PGBD2: variants seen among roughly 807,000 people sequenced by gnomAD.
PGBD2 encodes piggyBac transposable element derived 2.
PGBD2 carries 6 observed loss-of-function variants against 8.1 expected under a neutral mutation model. The observed-to-expected ratio is 0.74, with a 90% CI of 0.40 to 1.46. The LOEUF (loss-of-function observed/expected upper bound fraction) is 1.46. PGBD2 is among the 40% of genes most tolerant of loss of function. The probability of loss-of-function intolerance (pLI) is 0.02; values close to 1 mark genes in which losing one functional copy is unlikely to be tolerated. For synonymous variants in PGBD2, 318 were observed against 272.2 expected (o/e 1.17, Z -1.66); for missense variants, 802 against 739.0 (o/e 1.09, Z -0.99).
intron 2 of PGBD2, among the ~76,000 whole-genome samples, 157 bp downstream of exon 2, chr1:248,914,036 G>A (rs1034040055): frequency 6.6e-5 from 10 of 152,170 alleles, no homozygotes; most frequent in Admixed American, 2.6e-4. Flanking sequence ...GAGAAGAATG[G>A]GAAAAATGGG....
rs931446891 is a variant in PGBD2, at chr1:248,917,619, A to G, written c.1035A>G (p.Pro345=). 1 of 1,614,224 alleles carries G rather than the reference A, an allele frequency of 6.2e-7. No individual in the cohort carries two copies. Among genetic ancestry groups the G allele is most frequent in the Non-Finnish European group, 8.5e-7 (1 of 1,180,048 alleles). Residue 345 remains proline (P), a synonymous_variant, in exon 3 of 3, where the codon CCA becomes CCG. Coordinates refer to ENST00000329291, the MANE Select transcript of PGBD2 (RefSeq NM_170725.3). ...CGCTTCAGGAGCGTGGTTTTCTGCC[A>G]TATCACATATTTTTTGACAAGGTTT... The part of the protein sequence containing the change: ...VDALQERGFL[P]YHIFFDKVFT...
At chr1:248,888,093 T>G in the PGBD2 span, among the ~76,000 whole-genome samples, 1 of 152,228 alleles carries the variant, frequency 6.6e-6, no homozygotes, top group African/African-American at 2.4e-5. Context: ...CATAATTCTA[T>G]TCTTTTTTTA....
At position 248,916,556 on chromosome 1, in the gene PGBD2, G is replaced by C. The variant is rs1000506013; in HGVS notation, c.18-46G>C. 3.2e-6 allele frequency: 5 copies of C among 1,552,396 alleles called. No homozygotes were observed. The African/African-American group carries it at 6.8e-5, about 21-fold the overall frequency. On this transcript the variant is annotated intron_variant, in intron 2 of 2. Transcript: ENST00000329291. ...CCTCCTCTTTTCTGCTGAAGCATTG[G>C]CTTTCTGGCATGGCCTCTTCCTGAT...
the PGBD2 span, among the ~76,000 whole-genome samples, chr1:248,930,170 C>T: frequency 1.3e-4 from 20 of 152,242 alleles, no homozygotes; most frequent in African/African-American, 4.6e-4. Context: ...CGCTGCTCAG[C>T]ATCATAGCGT....
At chr1:248,887,123 AT>A in the PGBD2 span, among the ~76,000 whole-genome samples, 1 of 152,234 alleles carries the variant, frequency 6.6e-6, no homozygotes, top group Admixed American at 6.5e-5. Context: ...TTATAAAAAA[AT>A]ATAGCCTTCA....
rs376776381 is a variant in PGBD2, at chr1:248,908,597, T to C, written c.-48+2255T>C. Among the ~76,000 whole-genome samples the C allele has an allele frequency of 9.2e-5, 14 of 152,308 alleles. No homozygotes were observed. The East Asian group carries it at 1.5e-3, about 17-fold the overall frequency. ...CTTTTTGTCCATCTCCCTGCATCTA[T>C]GTTGGGGCCTGCATACTCAGTTGTC... On this transcript the variant is annotated intron_variant, in intron 1 of 2. Transcript: ENST00000329291.
chr1:248,879,188 C>T, the PGBD2 span, among the ~76,000 whole-genome samples: 2 of 152,124 alleles, frequency 1.3e-5, no homozygotes, highest in Non-Finnish European at 2.9e-5. Context: ...ATTCATCTTG[C>T]TGTTTTATTA....
At chr1:248,901,977 C>T (rs888512600), upstream of PGBD2, among the ~76,000 whole-genome samples, 2 of 152,152 alleles carry the variant, frequency 1.3e-5, no homozygotes, top group African/African-American at 4.8e-5. Context: ...CAAATCAAAA[C>T]TATAATGAAG....
the PGBD2 span, among the ~76,000 whole-genome samples, chr1:248,892,960 G>C: frequency 6.6e-6 from 1 of 152,218 alleles, no homozygotes; most frequent in Non-Finnish European, 1.5e-5. Flanking sequence ...TTGTTGCTTG[G>C]AAAACTAAGC....
At position 248,917,107 on chromosome 1, in the gene PGBD2, A is replaced by C. The variant is rs1662130260; in HGVS notation, c.523A>C (p.Thr175Pro). 6.2e-7 allele frequency: 1 copy of C among 1,613,950 alleles called. No homozygotes were observed. The highest frequency in any genetic ancestry group is 8.5e-7 in the Non-Finnish European group (1 of 1,180,018). The change falls in exon 3 of 3, where the codon ACG (threonine) becomes CCG (proline). Residue 175 changes from threonine (T) to proline (P), a missense_variant. Physicochemically the swap from Thr to Pro is conservative, Grantham distance 38. Transcript: ENST00000329291. ...GCAGAAAAATGTCAATTTGAGTCTT[A>C]CGGCTCAGGAATTGAAGTGTGTTTT... is the stretch of plus-strand genomic sequence containing the variant. Reference protein sequence around the residue: ...AWQKNVNLSLTAQELKCVLGI... With the variant: ...AWQKNVNLSLPAQELKCVLGI...
chr1:248,911,729 C>A (rs6668044), intron 1 of PGBD2, among the ~76,000 whole-genome samples: 3 of 143,924 alleles, frequency 2.1e-5, no homozygotes, highest in East Asian at 4.1e-4. Flanking sequence ...CCGGACGGGG[C>A]GGCTGGCCGG....
At chr1:248,883,255 C>CTG in the PGBD2 span, among the ~76,000 whole-genome samples, 1 of 151,354 alleles carries the variant, frequency 6.6e-6, no homozygotes, top group African/African-American at 2.4e-5. Flanking sequence ...TCTCGAGTAG[C>CTG]TGGGATTACA....
rs371694592 is a variant in PGBD2 at position 248,917,296 on chromosome 1, G to A, written c.712G>A (p.Ala238Thr). The A allele has an allele frequency of 2.5e-6, 4 of 1,614,070 alleles. No homozygotes were observed. The African/African-American group carries it at 4.0e-5, about 16-fold the overall frequency. Residue 238 changes from alanine to threonine, a missense_variant, in exon 3 of 3, where the codon GCA becomes ACA. Coordinates refer to ENST00000329291, the MANE Select transcript of PGBD2 (RefSeq NM_170725.3). ...TTTTGCAGATAACAACGAACTTGAT[G>A]CAAGTGATAGGTTTGCCAAGGTCAG... is the stretch of plus-strand genomic sequence containing the variant. ...LHFADNNELD[A>T]SDRFAKVRPL...
At chr1:248,873,840 G>T in the PGBD2 span, among the ~76,000 whole-genome samples, 1 of 152,206 alleles carries the variant, frequency 6.6e-6, no homozygotes. Flanking sequence ...AGTGAGAAGC[G>T]CTCTGCTTCC....
In PGBD2 at chr1:248,918,199, A is replaced by T. The variant is rs372006683; in HGVS notation, c.1615A>T (p.Arg539Trp). Reference sequence around the variant, plus strand: ...CACAACATCTCAAGGGAGGCGAAGCAGGCGGTTGGAGACTGAGAGCCGCTT... The same window carrying T: ...CACAACATCTCAAGGGAGGCGAAGCTGGCGGTTGGAGACTGAGAGCCGCTT... ...ADTTSQGRRS[R>W]RLETESRFDM... The change falls in exon 3 of 3, where the codon AGG (arginine) becomes TGG (tryptophan). Residue 539 changes from arginine (R) to tryptophan (W), a missense_variant. Arg to Trp is a moderately radical substitution (Grantham distance 101). Transcript: ENST00000329291. 1.2e-6 allele frequency: 2 copies of T among 1,614,198 alleles called. No individual in the cohort carries two copies. The highest frequency in any genetic ancestry group is 1.7e-6 in the Non-Finnish European group (2 of 1,180,032).
At chr1:248,897,631 T>C in the PGBD2 span, among the ~76,000 whole-genome samples, 19 of 152,142 alleles carry the variant, frequency 1.2e-4, no homozygotes, top group African/African-American at 3.4e-4. Flanking sequence ...GGCACAGAGA[T>C]GCAGGAGTTT....
chr1:248,919,322 A>G (rs1332621565), downstream of PGBD2: 2 of 166,916 alleles, frequency 1.2e-5, no homozygotes, highest in Non-Finnish European at 2.9e-5. Flanking sequence ...TCCCACAAAT[A>G]AGTGAGAACA....
intron 1 of PGBD2, among the ~76,000 whole-genome samples, chr1:248,906,692 C>T (rs1317902714): frequency 3.7e-5 from 5 of 136,014 alleles, no homozygotes; most frequent in African/African-American, 1.1e-4. Context: ...AGGAGGCGGG[C>T]GGCCTGAGGC....
At chr1:248,909,881 C>G (rs1488558465) in intron 1 of PGBD2, among the ~76,000 whole-genome samples, 2 of 152,116 alleles carry the variant, frequency 1.3e-5, no homozygotes, top group East Asian at 1.9e-4. Context: ...AGAACTGGGT[C>G]GGGATGAGGC....
Sources: allele counts gnomAD v4.1 joint callset (sites outside exome capture counted in the v4.1 genomes callset), GRCh38; gene constraint gnomAD v4.1.1; transcripts MANE v1.5; gene names NCBI Gene and HGNC (gene_info 2026-07-23, HGNC 2026-07-21).